The following SLC39A11 variants were observed in gnomAD, a reference collection of about 807,000 sequenced individuals.
SLC39A11 encodes zinc transporter ZIP11.
In SLC39A11, 33 loss-of-function variants were observed where a neutral mutation model predicts 36.1. That is an observed-to-expected ratio of 0.91 (90% CI 0.69 to 1.22). The LOEUF (loss-of-function observed/expected upper bound fraction) is 1.22, where lower values mean the gene tolerates loss of function less well. SLC39A11 is among the 50% of genes most tolerant of loss of function. SLC39A11 has a pLI of 0.00. For missense variants in SLC39A11, 432 were observed against 430.3 expected (o/e 1.00, Z -0.03); for synonymous variants, 166 against 170.3 (o/e 0.97, Z 0.20).
At chr17:72,997,074 G>A (rs187293442) in intron 4 of SLC39A11, among the ~76,000 whole-genome samples, 228 of 152,274 alleles carry the variant, frequency 1.5e-3, no homozygotes, top group African/African-American at 4.4e-3. Flanking sequence ...GCATGAGAAA[G>A]CTCTATTATC....
intron 6 of SLC39A11, among the ~76,000 whole-genome samples, chr17:72,805,171 G>A (rs2077211132): frequency 6.6e-6 from 1 of 152,156 alleles, no homozygotes; most frequent in Non-Finnish European, 1.5e-5. Context: ...TATTTAAAGA[G>A]GCATGTGGGT....
chr17:72,882,409 A>G (rs1443293534), intron 5 of SLC39A11, among the ~76,000 whole-genome samples: 4 of 151,460 alleles, frequency 2.6e-5, no homozygotes, highest in African/African-American at 9.7e-5. Context: ...TAGGAGACAC[A>G]CCACACGCAT....
intron 6 of SLC39A11, among the ~76,000 whole-genome samples, chr17:72,772,435 G>A (rs1568064770): frequency 6.6e-6 from 1 of 152,116 alleles, no homozygotes; most frequent in Non-Finnish European, 1.5e-5. Context: ...GGGGGTTGGG[G>A]CCCATGGGCC....
chr17:72,980,084 CCAA>C (rs1393957453), intron 4 of SLC39A11, among the ~76,000 whole-genome samples: 1 of 152,182 alleles, frequency 6.6e-6, no homozygotes, highest in East Asian at 1.9e-4. Flanking sequence ...ATAACTCCCA[CCAA>C]CAATAGCGGG....
At chr17:72,822,505 C>T (rs542671454) in intron 6 of SLC39A11, among the ~76,000 whole-genome samples, 1 of 150,938 alleles carries the variant, frequency 6.6e-6, no homozygotes, top group Admixed American at 6.6e-5. Flanking sequence ...GGGCCTATGC[C>T]CTCAGCTTCA....
chr17:72,956,896 G>A (rs771691144), intron 4 of SLC39A11, among the ~76,000 whole-genome samples: 8 of 152,148 alleles, frequency 5.3e-5, no homozygotes, highest in Admixed American at 1.3e-4. Context: ...AAAAACAGCC[G>A]GTTATTATTG....
At chr17:72,791,121 G>A (rs975195501) in intron 6 of SLC39A11, among the ~76,000 whole-genome samples, 1 of 151,828 alleles carries the variant, frequency 6.6e-6, no homozygotes, top group Non-Finnish European at 1.5e-5. Context: ...TCTCAGGGTG[G>A]GACACAGCAA....
intron 6 of SLC39A11, among the ~76,000 whole-genome samples, chr17:72,832,094 G>A (rs1246689800): frequency 2.6e-5 from 4 of 152,196 alleles, no homozygotes; most frequent in Non-Finnish European, 5.9e-5. Context: ...AAATGGGATC[G>A]AGCGTATAAT....
At chr17:72,892,420 A>AG (rs2081804406) in intron 5 of SLC39A11, among the ~76,000 whole-genome samples, 1 of 152,040 alleles carries the variant, frequency 6.6e-6, no homozygotes, top group Non-Finnish European at 1.5e-5. Context: ...AAAAAAAAAA[A>AG]AAAAAAATCT....
intron 7 of SLC39A11, among the ~76,000 whole-genome samples, chr17:72,657,175 C>G (rs2070167959): frequency 6.6e-6 from 1 of 152,034 alleles, no homozygotes; most frequent in Non-Finnish European, 1.5e-5. Flanking sequence ...GCCTGGTCAA[C>G]ACGGTGAAAC....
At chr17:72,731,689 G>A (rs945445330) in intron 7 of SLC39A11, among the ~76,000 whole-genome samples, 32 of 151,736 alleles carry the variant, frequency 2.1e-4, no homozygotes, top group Non-Finnish European at 3.7e-4. Flanking sequence ...TACAACTAAG[G>A]AACCCATATT....
intron 6 of SLC39A11, among the ~76,000 whole-genome samples, chr17:72,774,170 T>C (rs1352867893): frequency 6.6e-6 from 1 of 152,198 alleles, no homozygotes; most frequent in Non-Finnish European, 1.5e-5. Flanking sequence ...ACGTGAATAA[T>C]GGTGTGCTGG....
chr17:72,810,427 T>C lies in SLC39A11; in HGVS notation c.601+39207A>G, dbSNP rs993899610. On this transcript the variant is annotated intron_variant, in intron 6 of 9. Transcript: ENST00000255559. ...GCATAGTAAAAAACATGTAATCAAC[T>C]ATTGCAATGCACACAGACGAACCTC... 2.6e-5 allele frequency among the ~76,000 whole-genome samples: 4 copies of C among 152,330 alleles called. No homozygotes were observed. The East Asian group carries it at 7.7e-4, about 29-fold the overall frequency.
At chr17:73,018,888 C>T (rs1347873128) in intron 4 of SLC39A11, among the ~76,000 whole-genome samples, 1 of 151,510 alleles carries the variant, frequency 6.6e-6, no homozygotes, top group Non-Finnish European at 1.5e-5. Flanking sequence ...GAAAACCACA[C>T]AAAGGCATAA....
intron 5 of SLC39A11, among the ~76,000 whole-genome samples, chr17:72,938,285 G>C (rs1196073190): frequency 6.6e-6 from 1 of 152,044 alleles, no homozygotes; most frequent in East Asian, 1.9e-4. Context: ...CTTTCTTTAG[G>C]GAAGTGTTAC....
At chr17:73,040,141 G>A (rs983265922) in intron 3 of SLC39A11, among the ~76,000 whole-genome samples, 40 of 152,100 alleles carry the variant, frequency 2.6e-4, no homozygotes, top group Non-Finnish European at 2.9e-5. Context: ...GAAAATTTGT[G>A]GCCACTAATG....
intron 5 of SLC39A11, among the ~76,000 whole-genome samples, chr17:72,905,172 C>CAAAAA (rs58702930): frequency 0.023 from 979 of 42,890 alleles, 240 homozygotes; most frequent in African/African-American, 0.063. Flanking sequence ...GACTCCATCT[C>CAAAAA]AAAAAAAAAA....
At chr17:72,904,372 T>C (rs968050719) in intron 5 of SLC39A11, among the ~76,000 whole-genome samples, 1 of 152,192 alleles carries the variant, frequency 6.6e-6, no homozygotes. Context: ...ACCCAACACG[T>C]TCAGTCTCCA....
rs140670554 is a variant in SLC39A11, at chr17:72,653,674, A to C, written c.672-4406T>G. Among the ~76,000 whole-genome samples the C allele has an allele frequency of 9.2e-5, 14 of 152,222 alleles. No homozygotes were observed. The East Asian group carries it at 2.7e-3, about 29-fold the overall frequency. ...AGGGTGGTCTCGAACTCCTGACCTC[A>C]GGTAATCTGCTCGACTCGGCCTCCC... On this transcript the variant is annotated intron_variant, in intron 7 of 9. Transcript: ENST00000255559.
Sources: allele counts gnomAD v4.1 joint callset (sites outside exome capture counted in the v4.1 genomes callset), GRCh38; gene constraint gnomAD v4.1.1; transcripts MANE v1.5; gene names NCBI Gene and HGNC (gene_info 2026-07-23, HGNC 2026-07-21).